NEGR1: variants seen among roughly 807,000 people sequenced by gnomAD.
NEGR1 encodes neuronal growth regulator 1.
In NEGR1, 10 loss-of-function variants were observed where a neutral mutation model predicts 40.9. The ratio of observed to expected loss-of-function variants is 0.24; its 90% CI spans 0.15 to 0.42. The LOEUF is 0.42. NEGR1 is among the 10% of genes least tolerant of loss of function. The probability of loss-of-function intolerance (pLI) is 1.00; values close to 1 mark genes in which losing one functional copy is unlikely to be tolerated. For missense variants in NEGR1, 352 were observed against 438.9 expected (o/e 0.80, Z 1.77); for synonymous variants, 185 against 166.8 (o/e 1.11, Z -0.84).
At chr1:71,456,756 G>A (rs1228893282) in intron 6 of NEGR1, among the ~76,000 whole-genome samples, 1 of 152,158 alleles carries the variant, frequency 6.6e-6, no homozygotes, top group Admixed American at 6.5e-5. Flanking sequence ...CAATGGACAT[G>A]TTTTTACAAT....
chr1:72,191,772 C>G (rs2100430085), intron 1 of NEGR1, among the ~76,000 whole-genome samples: 1 of 151,132 alleles, frequency 6.6e-6, no homozygotes, highest in Non-Finnish European at 1.5e-5. Flanking sequence ...AGAAGGTAAC[C>G]TTTTGTAAGG....
At chr1:71,478,850 G>T (rs1646837589) in intron 6 of NEGR1, among the ~76,000 whole-genome samples, 1 of 151,790 alleles carries the variant, frequency 6.6e-6, no homozygotes, top group Non-Finnish European at 1.5e-5. Flanking sequence ...CTGATACCAT[G>T]GATGATAGAT....
intron 3 of NEGR1, among the ~76,000 whole-genome samples, chr1:71,713,250 G>T (rs937296719): frequency 6.6e-6 from 1 of 152,126 alleles, no homozygotes; most frequent in African/African-American, 2.4e-5. Context: ...ATATCGATGT[G>T]TCTACTTACT....
chr1:71,809,102 G>C (rs960012339), intron 2 of NEGR1, among the ~76,000 whole-genome samples: 2 of 152,128 alleles, frequency 1.3e-5, no homozygotes, highest in Admixed American at 1.3e-4. Context: ...GCACGGGGGG[G>C]CACTGATAAG....
At chr1:71,898,992 A>G (rs1661066437) in intron 2 of NEGR1, among the ~76,000 whole-genome samples, 1 of 77,354 alleles carries the variant, frequency 1.3e-5, no homozygotes, top group Non-Finnish European at 3.1e-5. Flanking sequence ...ATATATATAT[A>G]TATATATATA....
chr1:72,154,511 G>A (rs951938522), intron 1 of NEGR1, among the ~76,000 whole-genome samples: 36 of 152,004 alleles, frequency 2.4e-4, no homozygotes, highest in Non-Finnish European at 4.3e-4. Context: ...TCCTTTGAAT[G>A]AGAACGATTC....
chr1:72,049,535 T>C (rs774406791), intron 1 of NEGR1, among the ~76,000 whole-genome samples: 40 of 151,780 alleles, frequency 2.6e-4, no homozygotes, highest in Non-Finnish European at 4.9e-4. Flanking sequence ...CATATAAAAT[T>C]GTAGCACCAA....
chr1:72,141,103 A>G (rs1382400758), intron 1 of NEGR1, among the ~76,000 whole-genome samples: 1 of 152,002 alleles, frequency 6.6e-6, no homozygotes, highest in Non-Finnish European at 1.5e-5. Context: ...TAGATTAAGA[A>G]TGGTATATGA....
intron 1 of NEGR1, among the ~76,000 whole-genome samples, chr1:71,972,126 A>G (rs901791889): frequency 1.1e-4 from 16 of 152,250 alleles, no homozygotes; most frequent in African/African-American, 3.9e-4. Flanking sequence ...GTCATAAATT[A>G]TAGGTGAATG....
intron 1 of NEGR1, among the ~76,000 whole-genome samples, chr1:72,260,602 A>G (rs1655422554): frequency 6.6e-6 from 1 of 152,072 alleles, no homozygotes; most frequent in Admixed American, 6.6e-5. Flanking sequence ...GACACTACAC[A>G]TAAGTATGTT....
chr1:71,780,139 T>A (rs1656661355), intron 2 of NEGR1, among the ~76,000 whole-genome samples: 1 of 151,832 alleles, frequency 6.6e-6, no homozygotes. Flanking sequence ...CTAGATCTTA[T>A]TTCAGACTCC....
intron 6 of NEGR1, among the ~76,000 whole-genome samples, chr1:71,496,660 C>T (rs566711791): frequency 2.0e-5 from 3 of 151,946 alleles, no homozygotes; most frequent in Non-Finnish European, 4.4e-5. Flanking sequence ...TCCTGGAGGG[C>T]CCTGAAGGAC....
At chr1:71,901,613 T>C (rs1661144422) in intron 2 of NEGR1, among the ~76,000 whole-genome samples, 1 of 151,908 alleles carries the variant, frequency 6.6e-6, no homozygotes, top group Non-Finnish European at 1.5e-5. Flanking sequence ...TGTGACATTG[T>C]GATACTGATG....
At chr1:71,545,389 T>C (rs751804440) in intron 6 of NEGR1, among the ~76,000 whole-genome samples, 6 of 151,708 alleles carry the variant, frequency 4.0e-5, no homozygotes, top group African/African-American at 7.3e-5. Flanking sequence ...AATGCTCTCC[T>C]GAACTTTCCT....
At chr1:71,637,432 G>T (rs906499321) in intron 4 of NEGR1, among the ~76,000 whole-genome samples, 27 of 151,810 alleles carry the variant, frequency 1.8e-4, no homozygotes, top group Non-Finnish European at 4.0e-4. Flanking sequence ...AAAGGAGGGG[G>T]GTTAGTTTAA....
intron 6 of NEGR1, among the ~76,000 whole-genome samples, chr1:71,506,365 C>T (rs928010271): frequency 1.2e-4 from 18 of 152,062 alleles, no homozygotes; most frequent in African/African-American, 4.3e-4. Flanking sequence ...GAAGAGGCAA[C>T]CTGTTACTTT....
At chr1:71,469,157 G>A (rs559752756) in intron 6 of NEGR1, among the ~76,000 whole-genome samples, 82 of 152,034 alleles carry the variant, frequency 5.4e-4, no homozygotes, top group African/African-American at 1.9e-3. Context: ...GTATTTAACC[G>A]CTTGTAAATT....
chr1:71,653,416 T>G (rs1651779630), intron 4 of NEGR1, among the ~76,000 whole-genome samples: 1 of 152,330 alleles, frequency 6.6e-6, no homozygotes, highest in African/African-American at 2.4e-5. Context: ...GCTTTCCATT[T>G]CAGAAATTCT....
chr1:71,665,744 C>T (rs1388050350), intron 4 of NEGR1, among the ~76,000 whole-genome samples: 1 of 152,126 alleles, frequency 6.6e-6, no homozygotes, highest in African/African-American at 2.4e-5. Context: ...TATTTGGAGA[C>T]TGATTATAGC....
Sources: gnomAD v4.1 joint callset for allele counts (sites outside exome capture counted in the v4.1 genomes callset) on GRCh38, gnomAD v4.1.1 for gene constraint, MANE v1.5 for transcripts, NCBI Gene and HGNC (gene_info 2026-07-23, HGNC 2026-07-21) for gene names.